SMIM26: variants seen among roughly 807,000 people sequenced by gnomAD.
SMIM26 encodes the protein small integral membrane protein 26.
SMIM26 carries 2 observed loss-of-function variants against 2.5 expected under a neutral mutation model. That is an observed-to-expected ratio of 0.80 (90% CI 0.33 to 2.53). SMIM26 has a LOEUF of 2.53. Among genes scored for constraint, SMIM26 ranks in the 30% most tolerant of loss-of-function variants. The pLI, the probability that SMIM26 is intolerant of heterozygous loss-of-function variation, is 0.11. For synonymous variants in SMIM26, 32 were observed against 17.8 expected, an observed-to-expected ratio of 1.80 and a Z score of -2.01; for missense variants, 77 against 46.1, an observed-to-expected ratio of 1.67 and a Z score of -1.94.
chr20:18,568,776 ATTGTT>A (rs1195293494), intron 1 of SMIM26: 2 of 151,436 alleles, frequency 1.3e-5, no homozygotes, highest in African/African-American at 2.4e-5. Flanking sequence ...TGCCCGGCGA[ATTGTT>A]TTATTTTTTT....
chr20:18,569,088 C>T (rs931514547), intron 1 of SMIM26, 148 bp from the exon 2 acceptor site: 1 of 555,648 alleles, frequency 1.8e-6, no homozygotes, highest in Non-Finnish European at 3.2e-6. Context: ...CTTTTCTTTT[C>T]CCTTCCTTTT....
At chr20:18,568,524 T>G (rs990791567) in intron 1 of SMIM26, 1 of 151,174 alleles carries the variant, frequency 6.6e-6, no homozygotes, top group Non-Finnish European at 1.5e-5. Context: ...ATATTTACTT[T>G]ATATGTAATA....
Position 18,569,388 on chromosome 20 carries a change from C to T in SMIM26, c.271C>T (p.Pro91Ser), listed in dbSNP as rs2060524479. ...LNYWKSWTGGPGTEP is the reference protein window; with the variant it reads ...LNYWKSWTGGSGTEP The stretch of plus-strand genomic sequence containing the variant: ...CTATTGGAAATCATGGACTGGTGGC[C>T]CTGGTACAGAACCATGACTGGCTGC... Residue 91 changes from proline to serine, a missense_variant, in exon 2 of 2, where the codon CCT becomes TCT. By Grantham distance (74) the Pro-to-Ser change is moderately conservative. Coordinates refer to ENST00000411646, the MANE Select transcript of SMIM26 (RefSeq NM_001348957.2). The T allele has an allele frequency of 4.3e-6, 3 of 702,716 alleles. No individual in the cohort carries two copies. Among genetic ancestry groups the T allele is most frequent in the Non-Finnish European group, 7.8e-6 (3 of 384,932 alleles). The allele number at this position is 702,716 out of a possible 1,614,324, so 43.5% of individuals were successfully genotyped here.
Position 18,569,555 on chromosome 20 carries a change from A to C in SMIM26, c.*150A>C, listed in dbSNP as rs2060524901. The C allele has an allele frequency of 1.6e-6, 1 of 624,796 alleles. No individual in the cohort carries two copies. Among genetic ancestry groups the C allele is most frequent in the Admixed American group, 2.8e-5 (1 of 35,970 alleles). 38.7% of individuals were successfully genotyped at this position (624,796 alleles called of 1,614,324 possible). On this transcript the variant is annotated 3_prime_UTR_variant, in exon 2 of 2. Transcript: ENST00000411646. The stretch of plus-strand genomic sequence containing the variant: ...TAATATGCAATAAATATTTTCTTGA[A>C]GGAAACTATCTGCGTTTTCTTTTTT...
At chr20:18,569,204 C>CTTT (rs11475239) in intron 1 of SMIM26, 32 bp from the exon 2 acceptor site, 61 of 581,788 alleles carry the variant, frequency 1.0e-4, no homozygotes, top group Middle Eastern at 3.0e-4. Context: ...TTCAGGTGTT[C>CTTT]TTTTTTTTTT....
chr20:18,567,676 CT>C (rs35930853), intron 1 of SMIM26, 80 bp downstream of exon 1: 86,056 of 692,500 alleles, frequency 0.12, 5,911 homozygotes, highest in Admixed American at 0.2. Flanking sequence ...AACAACTTCC[CT>C]GTCCTTTAAA....
downstream of SMIM26, chr20:18,569,574 CTTTTTTT>C (rs71194252): frequency 1.0e-5 from 4 of 386,150 alleles, no homozygotes; most frequent in South Asian, 2.4e-5. Context: ...TCTGCGTTTT[CTTTTTTT>C]TTTTTTTTTT....
chr20:18,567,923 G>T (rs1269067763), intron 1 of SMIM26, among the ~76,000 whole-genome samples: 3 of 152,176 alleles, frequency 2.0e-5, no homozygotes, highest in African/African-American at 7.2e-5. Flanking sequence ...TGATGCTTCA[G>T]TACTACTGTC....
At position 18,569,103 on chromosome 20, in the gene SMIM26, C is replaced by T. The variant is rs536970840; in HGVS notation, c.119-133C>T. 6.0e-5 allele frequency: 34 copies of T among 562,774 alleles called. No homozygotes were observed. In the South Asian group the frequency reaches 8.1e-4, roughly 13 times the overall value. The allele number at this position is 562,774 out of a possible 1,614,324, so 34.9% of individuals were successfully genotyped here. ...CTTTTCTTTTCCCTTCCTTTTCATTCCTTCCTTCATTATTGGGGTTGGAGA... is the reference window on the plus strand; with the variant it reads ...CTTTTCTTTTCCCTTCCTTTTCATTTCTTCCTTCATTATTGGGGTTGGAGA... On this transcript the variant is annotated intron_variant, in intron 1 of 1. Coordinates refer to ENST00000411646, the MANE Select transcript of SMIM26 (RefSeq NM_001348957.2).
At chr20:18,567,863 T>TA (rs2060519487) in intron 1 of SMIM26, among the ~76,000 whole-genome samples, 1 of 152,246 alleles carries the variant, frequency 6.6e-6, no homozygotes, top group African/African-American at 2.4e-5. Flanking sequence ...GGAATCTGTG[T>TA]AAAGTGCAAG....
intron 1 of SMIM26, among the ~76,000 whole-genome samples, chr20:18,567,831 C>T (rs2060519358): frequency 1.3e-5 from 2 of 152,164 alleles, no homozygotes; most frequent in South Asian, 4.1e-4. Flanking sequence ...TGGATAGGGC[C>T]GTCCCCATAT....
At position 18,567,432 on chromosome 20, in the gene SMIM26, G is replaced by T. The variant is rs1358174321; in HGVS notation, c.-47G>T. The T allele has an allele frequency of 2.8e-6, 2 of 701,942 alleles. No individual in the cohort carries two copies. Among genetic ancestry groups the T allele is most frequent in the Admixed American group, 4.0e-5 (2 of 49,992 alleles). 43.5% of individuals were successfully genotyped at this position (701,942 alleles called of 1,614,324 possible). A position where few individuals can be genotyped will look rare whatever the true frequency, so the allele number is the denominator to read the frequency against. ...CAGCGACGCCCTCACCGGAAGTCCCGCCTCTGCCGTGGGCCTGCGAGAATC... is the reference window on the plus strand; with the variant it reads ...CAGCGACGCCCTCACCGGAAGTCCCTCCTCTGCCGTGGGCCTGCGAGAATC... On this transcript the variant is annotated 5_prime_UTR_variant, in exon 1 of 2. Coordinates refer to ENST00000411646, the MANE Select transcript of SMIM26 (RefSeq NM_001348957.2).
At chr20:18,569,578 T>C (rs1331008514), downstream of SMIM26, 6 of 388,576 alleles carry the variant, frequency 1.5e-5, no homozygotes, top group African/African-American at 6.2e-5. Context: ...CGTTTTCTTT[T>C]TTTTTTTTTT....
intron 1 of SMIM26, 38 bp downstream of exon 1, chr20:18,567,634 G>A: frequency 1.4e-6 from 1 of 697,178 alleles, no homozygotes; most frequent in South Asian, 1.5e-5. Context: ...GGAACACACG[G>A]CCTTCGATGA....
At chr20:18,568,545 ATACTT>A (rs1481244786) in intron 1 of SMIM26, 7 of 151,380 alleles carry the variant, frequency 4.6e-5, no homozygotes, top group African/African-American at 1.5e-4. Context: ...TATGGTAAAA[ATACTT>A]TACATTTATA....
Position 18,569,437 on chromosome 20 carries a change from G to T in SMIM26, c.*32G>T. 1 of 702,782 alleles carries T rather than the reference G, an allele frequency of 1.4e-6. No individual in the cohort carries two copies. The highest frequency in any genetic ancestry group is 2.6e-6 in the Non-Finnish European group (1 of 384,938). 43.5% of individuals were successfully genotyped at this position (702,782 alleles called of 1,614,324 possible). On this transcript the variant is annotated 3_prime_UTR_variant, in exon 2 of 2. Transcript: ENST00000411646. Reference sequence around the variant, plus strand: ...GCTGAATTCTGAAAACCAGGACTTGGTTCAACATTTAAATTTGATAGTTGC... The same window carrying T: ...GCTGAATTCTGAAAACCAGGACTTGTTTCAACATTTAAATTTGATAGTTGC...
intron 1 of SMIM26, chr20:18,568,784 AT>A (rs1240422581): frequency 2.1e-3 from 306 of 146,064 alleles, no homozygotes; most frequent in African/African-American, 7.2e-3. Flanking sequence ...GAATTGTTTT[AT>A]TTTTTTTTTG....
In SMIM26 at chr20:18,569,404, G is replaced by T; in HGVS notation, c.287G>T (p.Ter96LeuextTer6). The change falls in exon 2 of 2, where the codon TGA becomes TTA. Residue 96 changes from the stop codon to leucine (L), a stop_lost. Transcript: ENST00000411646. The part of the protein sequence containing the change: ...SWTGGPGTEP[*>L] Reference sequence around the variant, plus strand: ...ACTGGTGGCCCTGGTACAGAACCATGACTGGCTGCTGAATTCTGAAAACCA... The same window carrying T: ...ACTGGTGGCCCTGGTACAGAACCATTACTGGCTGCTGAATTCTGAAAACCA... 2 of 702,842 alleles carry T rather than the reference G, an allele frequency of 2.8e-6. No homozygotes were observed. The highest frequency in any genetic ancestry group is 3.0e-5 in the South Asian group (2 of 67,590). The allele number at this position is 702,842 out of a possible 1,614,324, so 43.5% of individuals were successfully genotyped here.
At chr20:18,569,050 G>A (rs1353240610) in intron 1 of SMIM26, 186 bp from the exon 2 acceptor site, 2 of 501,460 alleles carry the variant, frequency 4.0e-6, no homozygotes, top group Non-Finnish European at 7.0e-6. Context: ...GTGAGATTGG[G>A]ATTACAGGCG....
Sources: gnomAD v4.1 joint callset for allele counts (sites outside exome capture counted in the v4.1 genomes callset) on GRCh38, gnomAD v4.1.1 for gene constraint, MANE v1.5 for transcripts, NCBI Gene and HGNC (gene_info 2026-07-23, HGNC 2026-07-21) for gene names.